IKZF2: variants seen among roughly 807,000 people sequenced by gnomAD.
IKZF2 encodes the protein IKAROS family zinc finger 2, also known as zinc finger protein Helios.
Under a neutral mutation model 49.2 loss-of-function variants are expected in IKZF2, and 15 were observed. That is an observed-to-expected ratio of 0.30 (90% CI 0.20 to 0.47). IKZF2 has a LOEUF of 0.47. Among genes scored for constraint, IKZF2 ranks in the 20% least tolerant of loss-of-function variants. IKZF2 has a pLI of 1.00. For missense variants in IKZF2, 567 were observed against 664.6 expected (o/e 0.85, Z 1.61); for synonymous variants, 227 against 221.4 (o/e 1.03, Z -0.23).
At chr2:213,070,017 A>C (rs1702536931) in intron 4 of IKZF2, among the ~76,000 whole-genome samples, 1 of 151,816 alleles carries the variant, frequency 6.6e-6, no homozygotes, top group South Asian at 2.1e-4. Flanking sequence ...CACCTAACAC[A>C]CTCCATTATT....
intron 4 of IKZF2, among the ~76,000 whole-genome samples, chr2:213,105,739 GCAAA>G (rs1246272642): frequency 1.3e-5 from 2 of 152,044 alleles, no homozygotes; most frequent in African/African-American, 4.8e-5. Context: ...TCAGAATTCT[GCAAA>G]CAAACAAAAA....
At chr2:213,131,544 G>A (rs530754095) in intron 4 of IKZF2, among the ~76,000 whole-genome samples, 1 of 152,206 alleles carries the variant, frequency 6.6e-6, no homozygotes, top group South Asian at 2.1e-4. Flanking sequence ...CCCTTAAAGT[G>A]TTTTATAAAA....
intron 4 of IKZF2, among the ~76,000 whole-genome samples, chr2:213,118,653 T>C (rs2059953956): frequency 6.6e-6 from 1 of 151,946 alleles, no homozygotes; most frequent in African/African-American, 2.4e-5. Context: ...GGCCAAAGAG[T>C]CACTTTCAGA....
rs893169309 is a variant in IKZF2, at chr2:213,085,013, G to A, written c.140-27914C>T. ...ATAATTTAACTGTCACTTCTATTAC[G>A]CTGTACGCTATGACCCAAGAACAAT... On this transcript the variant is annotated intron_variant, in intron 4 of 8. Coordinates refer to ENST00000434687, the MANE Select transcript of IKZF2 (RefSeq NM_001387220.1). Among the ~76,000 whole-genome samples the A allele has an allele frequency of 3.9e-5, 6 of 152,242 alleles. No individual in the cohort carries two copies. In the East Asian group the frequency reaches 7.7e-4, roughly 20 times the overall value.
chr2:213,132,263 G>C (rs1162789501), intron 4 of IKZF2, among the ~76,000 whole-genome samples: 1 of 150,704 alleles, frequency 6.6e-6, no homozygotes, highest in Non-Finnish European at 1.5e-5. Flanking sequence ...AAGGAGATAA[G>C]ATGTACTCAA....
At chr2:213,030,982 C>G (rs1207629041) in intron 6 of IKZF2, among the ~76,000 whole-genome samples, 4 of 152,104 alleles carry the variant, frequency 2.6e-5, no homozygotes, top group South Asian at 4.2e-4. Context: ...CGTGCCACCA[C>G]GTCTGGCTAA....
intron 7 of IKZF2, chr2:213,014,996 G>A (rs919568983): frequency 6.6e-6 from 1 of 151,890 alleles, no homozygotes; most frequent in Non-Finnish European, 1.5e-5. Context: ...CCTTTCATTT[G>A]TATAAGATAG....
chr2:213,052,623 C>A (rs1472259523), intron 5 of IKZF2, among the ~76,000 whole-genome samples: 2 of 151,896 alleles, frequency 1.3e-5, no homozygotes, highest in Non-Finnish European at 2.9e-5. Context: ...CCCTCAAAGA[C>A]AATACTGTTA....
intron 8 of IKZF2, among the ~76,000 whole-genome samples, chr2:213,011,661 G>A (rs1695971397): frequency 6.6e-6 from 1 of 152,052 alleles, no homozygotes; most frequent in Admixed American, 6.6e-5. Context: ...CACTGTCATG[G>A]TGGAGAGCAG....
In IKZF2 at chr2:213,007,149, A is replaced by G; in HGVS notation, c.*211T>C. On this transcript the variant is annotated 3_prime_UTR_variant, in exon 9 of 9. Coordinates refer to ENST00000434687, the MANE Select transcript of IKZF2 (RefSeq NM_001387220.1). ...AAACAAGCCAGGTGATAAAGAAACA[A>G]TATTCCCGCCCCTTCTCTCTTCTGT... 1 of 499,022 alleles carries G rather than the reference A, an allele frequency of 2.0e-6. No individual in the cohort carries two copies. The highest frequency in any genetic ancestry group is 3.4e-6 in the Non-Finnish European group (1 of 292,954). The allele number at this position is 499,022 out of a possible 1,614,324, so 30.9% of individuals were successfully genotyped here.
intron 4 of IKZF2, among the ~76,000 whole-genome samples, chr2:213,124,316 G>A (rs2060182785): frequency 6.7e-6 from 1 of 148,364 alleles, no homozygotes; most frequent in African/African-American, 2.5e-5. Context: ...AAAAGAACTT[G>A]GAAGCCTGAT....
At chr2:213,087,856 A>G (rs1213447043) in intron 4 of IKZF2, among the ~76,000 whole-genome samples, 2 of 152,118 alleles carry the variant, frequency 1.3e-5, no homozygotes, top group Non-Finnish European at 2.9e-5. Context: ...GCTGCATAGT[A>G]TTTATTCCAT....
chr2:213,140,872 C>T (rs540515372), intron 4 of IKZF2, among the ~76,000 whole-genome samples: 16 of 152,048 alleles, frequency 1.1e-4, no homozygotes, highest in African/African-American at 3.9e-4. Flanking sequence ...TGGTATTAAA[C>T]TACTGTTAAA....
In IKZF2 at chr2:213,145,308, G is replaced by A. The variant is rs554574891; in HGVS notation, c.139+2400C>T. On this transcript the variant is annotated intron_variant, in intron 4 of 8. Coordinates refer to ENST00000434687, the MANE Select transcript of IKZF2 (RefSeq NM_001387220.1). ...TTAAAGGTTTTCACATTTACTTTTA[G>A]CTTTAACACTTTCAATCAAAATTGC... Among the ~76,000 whole-genome samples, 33 of 151,538 alleles carry A rather than the reference G, an allele frequency of 2.2e-4. No individual in the cohort carries two copies. In the South Asian group the frequency reaches 6.9e-3, roughly 32 times the overall value.
intron 4 of IKZF2, among the ~76,000 whole-genome samples, chr2:213,091,867 G>A (rs1174816885): frequency 1.3e-5 from 2 of 151,760 alleles, no homozygotes; most frequent in African/African-American, 2.4e-5. Context: ...AATCCATTCT[G>A]TGAAAGAGAG....
chr2:213,031,720 T>A (rs1330090182), intron 6 of IKZF2, among the ~76,000 whole-genome samples: 1 of 152,296 alleles, frequency 6.6e-6, no homozygotes, highest in Non-Finnish European at 1.5e-5. Context: ...CCTTACCACA[T>A]AAAATATTTT....
chr2:213,081,495 A>G (rs1264696703), intron 4 of IKZF2, among the ~76,000 whole-genome samples: 1 of 152,156 alleles, frequency 6.6e-6, no homozygotes, highest in African/African-American at 2.4e-5. Flanking sequence ...TGAGTACACT[A>G]ATAGATGTGT....
chr2:213,050,486 C>T (rs921295684), intron 5 of IKZF2, among the ~76,000 whole-genome samples: 8 of 152,142 alleles, frequency 5.3e-5, no homozygotes, highest in African/African-American at 9.7e-5. Context: ...CTAAAAGGTA[C>T]AGCAAATGAA....
In IKZF2 at chr2:213,004,584, C is replaced by G. The variant is rs1247931508; in HGVS notation, c.*2776G>C. On this transcript the variant is annotated 3_prime_UTR_variant, in exon 9 of 9. Transcript: ENST00000434687. Reference sequence around the variant, plus strand: ...CTGGGCATACAACTGTTATGTAAAACTTGATTTATTTGGTGTCTGACTCTT... The same window carrying G: ...CTGGGCATACAACTGTTATGTAAAAGTTGATTTATTTGGTGTCTGACTCTT... 6.6e-6 allele frequency: 1 copy of G among 151,912 alleles called. No homozygotes were observed. The highest frequency in any genetic ancestry group is 1.5e-5 in the Non-Finnish European group (1 of 67,914). The allele number at this position is 151,912 out of a possible 1,614,324, so 9.4% of individuals were successfully genotyped here. A position where few individuals can be genotyped will look rare whatever the true frequency, so the allele number is the denominator to read the frequency against.
Sources: allele counts gnomAD v4.1 joint callset (sites outside exome capture counted in the v4.1 genomes callset), GRCh38; gene constraint gnomAD v4.1.1; transcripts MANE v1.5; gene names NCBI Gene and HGNC (gene_info 2026-07-23, HGNC 2026-07-21).